The following CCDC85C variants were observed in gnomAD, a reference collection of about 807,000 sequenced individuals.
CCDC85C encodes coiled-coil domain containing 85C, also known as coiled-coil domain-containing protein 85C.
A neutral mutation model predicts 38.3 loss-of-function variants in CCDC85C; 18 were observed. That is an observed-to-expected ratio of 0.47 (90% confidence interval 0.33 to 0.70). The LOEUF (loss-of-function observed/expected upper bound fraction) is 0.70, where lower values mean the gene tolerates loss of function less well. CCDC85C is among the 30% of genes least tolerant of loss of function. CCDC85C has a pLI of 0.03. For missense variants in CCDC85C, 566 were observed against 621.2 expected (o/e 0.91, Z 0.94); for synonymous variants, 264 against 293.8 (o/e 0.90, Z 1.04).
chr14:99,528,857 G>C (rs1897439732), intron 2 of CCDC85C, among the ~76,000 whole-genome samples: 1 of 152,130 alleles, frequency 6.6e-6, no homozygotes. Flanking sequence ...AGGGGAGGGA[G>C]AGCATCAGGA....
chr14:99,596,266 T>A (rs1358614301), intron 1 of CCDC85C, among the ~76,000 whole-genome samples: 1 of 152,210 alleles, frequency 6.6e-6, no homozygotes, highest in Non-Finnish European at 1.5e-5. Context: ...ACATGGGTTC[T>A]AAGACACGCC....
rs1229931693 is a variant in CCDC85C, at chr14:99,603,938, C to G, written c.22G>C (p.Ala8Pro). Residue 8 changes from alanine (A) to proline (P), a missense_variant, in exon 1 of 6, where the codon GCG (alanine) becomes CCG (proline). By Grantham distance (27) the Ala-to-Pro change is conservative. Around this residue, in one of 3 missense-constraint regions of CCDC85C, gnomAD observed 269 missense variants for 308.2 expected, o/e 0.87. Coordinates refer to ENST00000380243, the MANE Select transcript of CCDC85C (RefSeq NM_001144995.2). This position sits in a 1 kb window ranked among gnomAD's most constrained non-coding sequence, Gnocchi z 7.5. The stretch of plus-strand genomic sequence containing the variant: ...CTCAGCTCCTCCGACGCCGCCGCCG[C>G]CGTCGCCGCGGGCTTAGCCATGGCG... MAKPAAT[A>P]AAASEELSQV... is the part of the protein sequence containing the mutation. 7.1e-6 allele frequency: 10 copies of G among 1,409,672 alleles called. No individual in the cohort carries two copies. The highest frequency in any genetic ancestry group is 9.2e-6 in the Non-Finnish European group (10 of 1,087,344). 87.3% of individuals were successfully genotyped at this position (1,409,672 alleles called of 1,614,324 possible).
At chr14:99,578,351 C>A (rs2054925182) in intron 1 of CCDC85C, among the ~76,000 whole-genome samples, 1 of 148,124 alleles carries the variant, frequency 6.8e-6, no homozygotes, top group Admixed American at 6.7e-5. Flanking sequence ...ATCTCCACAC[C>A]CATACAGCCC....
chr14:99,602,622 G>A (rs534201442), intron 1 of CCDC85C, among the ~76,000 whole-genome samples: 5 of 152,268 alleles, frequency 3.3e-5, no homozygotes, highest in African/African-American at 1.2e-4. Context: ...AAGGCTCTGA[G>A]CCCCAGGCCT....
chr14:99,554,641 C>G (rs539493788), intron 1 of CCDC85C, among the ~76,000 whole-genome samples: 30 of 152,220 alleles, frequency 2.0e-4, no homozygotes, highest in Non-Finnish European at 3.2e-4. Flanking sequence ...CTGACCTGGT[C>G]CCCACCCAGG....
chr14:99,570,413 C>T (rs1898313190), intron 1 of CCDC85C, among the ~76,000 whole-genome samples: 1 of 152,200 alleles, frequency 6.6e-6, no homozygotes, highest in Non-Finnish European at 1.5e-5. Flanking sequence ...GCGTGCCTGG[C>T]CCCTGCCACA....
intron 1 of CCDC85C, among the ~76,000 whole-genome samples, chr14:99,579,489 C>T (rs967720953): frequency 3.3e-5 from 5 of 152,224 alleles, no homozygotes; most frequent in Admixed American, 3.3e-4. Flanking sequence ...ATCCTGCCCT[C>T]CCAGCCCTGG....
rs77720506 is a variant in CCDC85C at position 99,555,931 on chromosome 14, C to G, written c.794-19843G>C. Among the ~76,000 whole-genome samples the G allele has an allele frequency of 9.1e-3, 1,389 of 152,340 alleles. 7 individuals are homozygous for G. The highest frequency in any genetic ancestry group is 0.01 in the Non-Finnish European group (712 of 68,028). ...AGACACACGTCCCTTGTGGGCTGTT[C>G]TTGCCCAAAATGCACAGCCTGAACC... On this transcript the variant is annotated intron_variant, in intron 1 of 5. Transcript: ENST00000380243.
At chr14:99,578,122 G>T (rs1289047373) in intron 1 of CCDC85C, among the ~76,000 whole-genome samples, 13 of 140,076 alleles carry the variant, frequency 9.3e-5, no homozygotes, top group African/African-American at 2.6e-4. Context: ...GTGTGTGTGT[G>T]TGTGTGTGTG....
intron 1 of CCDC85C, among the ~76,000 whole-genome samples, chr14:99,601,864 G>A (rs1451974674): frequency 1.3e-5 from 2 of 152,184 alleles, no homozygotes; most frequent in African/African-American, 2.4e-5. Flanking sequence ...GGTAAATAAA[G>A]GAAAAACATG....
In CCDC85C at chr14:99,580,158, G is replaced by T. The variant is rs529398680; in HGVS notation, c.793+23009C>A. On this transcript the variant is annotated intron_variant, in intron 1 of 5. Transcript: ENST00000380243. ...GACAGCCTGTGCAGGCCTGGCCCCC[G>T]GCACACCCAGAGGAAGGAGAGGCTG... The T allele has an allele frequency of 9.7e-5, 44 of 454,806 alleles. No individual in the cohort carries two copies. In the East Asian group the frequency reaches 3.0e-3, roughly 31 times the overall value. The allele number at this position is 454,806 out of a possible 1,614,324, so 28.2% of individuals were successfully genotyped here.
At chr14:99,549,727 C>T (rs1028089787) in intron 1 of CCDC85C, among the ~76,000 whole-genome samples, 5 of 152,188 alleles carry the variant, frequency 3.3e-5, no homozygotes, top group Non-Finnish European at 7.3e-5. Flanking sequence ...GGGCTTCCCG[C>T]GTTTCACATA....
At position 99,516,673 on chromosome 14, in the gene CCDC85C, AG is replaced by A. The variant is rs1175417370; in HGVS notation, c.1072-388del. On this transcript the variant is annotated intron_variant, in intron 4 of 5. Transcript: ENST00000380243. This position sits in a 1 kb window ranked among gnomAD's most constrained non-coding sequence, Gnocchi z 5.5. ...GTCATGGGGCACGTACGTAGGAGGAAGGGGGGCATGGGAGTGGGGACTGTGC... is the reference window on the plus strand; with the variant it reads ...GTCATGGGGCACGTACGTAGGAGGAAGGGGGCATGGGAGTGGGGACTGTGC... 6.6e-6 allele frequency among the ~76,000 whole-genome samples: 1 copy of A among 152,040 alleles called. No homozygotes were observed. The highest frequency in any genetic ancestry group is 1.5e-5 in the Non-Finnish European group (1 of 67,980).
At position 99,564,233 on chromosome 14, in the gene CCDC85C, G is replaced by A. The variant is rs113027413; in HGVS notation, c.794-28145C>T. On this transcript the variant is annotated intron_variant, in intron 1 of 5. Transcript: ENST00000380243. ...GGGACAGACAGGTGGAGACCTCTTC[G>A]CACCCACTGCTGCGTCCTTGCTGCT... 6.4e-3 allele frequency among the ~76,000 whole-genome samples: 982 copies of A among 152,322 alleles called. 11 individuals carry two copies. The highest frequency in any genetic ancestry group is 0.022 in the African/African-American group (929 of 41,568).
In CCDC85C at chr14:99,535,200, C is replaced by A. The variant is rs1302320577; in HGVS notation, c.867+815G>T. ...AGCTGAGCCATCCCTGCGGTTGGTT[C>A]CCAGAGAGACGCCTTGGGTATCCCA... On this transcript the variant is annotated intron_variant, in intron 2 of 5. Transcript: ENST00000380243. The surrounding 1 kb of genome is among the most constrained non-coding windows in gnomAD (Gnocchi z 5.5). Among the ~76,000 whole-genome samples, 34 of 152,224 alleles carry A rather than the reference C, an allele frequency of 2.2e-4. 1 individual carries two copies. The highest frequency in any genetic ancestry group is 2.2e-3 in the Admixed American group (34 of 15,292).
chr14:99,594,789 G>C (rs111932184), intron 1 of CCDC85C, among the ~76,000 whole-genome samples: 1 of 152,152 alleles, frequency 6.6e-6, no homozygotes, highest in African/African-American at 2.4e-5. Context: ...GTCTCAAGTG[G>C]GCTGAAGCCA....
chr14:99,603,223 G>C lies in CCDC85C; in HGVS notation c.737C>G (p.Ser246Cys). ...PDGKAGATRR[S>C]LDDLSAPPHH... ...CGGCGGCGCCGACAAGTCGTCCAGGGACCGACGTGTGGCTCCTGCCTTGCC... is the reference window on the plus strand; with the variant it reads ...CGGCGGCGCCGACAAGTCGTCCAGGCACCGACGTGTGGCTCCTGCCTTGCC... The change falls in exon 1 of 6, where the codon TCC (serine) becomes TGC (cysteine). Residue 246 changes from serine (S) to cysteine (C), a missense_variant. Ser to Cys is a moderately radical substitution (Grantham distance 112). Transcript: ENST00000380243. This position sits in a 1 kb window ranked among gnomAD's most constrained non-coding sequence, Gnocchi z 7.5. 1.4e-6 allele frequency: 2 copies of C among 1,425,048 alleles called. No homozygotes were observed. The highest frequency in any genetic ancestry group is 1.8e-6 in the Non-Finnish European group (2 of 1,092,372). The allele number at this position is 1,425,048 out of a possible 1,614,324, so 88.3% of individuals were successfully genotyped here.
At chr14:99,531,029 C>A (rs1397439401) in intron 2 of CCDC85C, among the ~76,000 whole-genome samples, 1 of 152,230 alleles carries the variant, frequency 6.6e-6, no homozygotes, top group Non-Finnish European at 1.5e-5. Context: ...ACATCCATGT[C>A]AGGAAATCCA....
At chr14:99,580,528 A>T (rs2054957192) in intron 1 of CCDC85C, among the ~76,000 whole-genome samples, 1 of 151,502 alleles carries the variant, frequency 6.6e-6, no homozygotes, top group Non-Finnish European at 1.5e-5. Context: ...ACAGCCAGGG[A>T]AAGAGGGGAG....
Sources: gnomAD v4.1 joint callset for allele counts (sites outside exome capture counted in the v4.1 genomes callset) on GRCh38, gnomAD v4.1.1 for gene constraint, gnomAD v4.1.1 regional missense constraint, Gnocchi (gnomAD v3.1) non-coding constraint, MANE v1.5 for transcripts, NCBI Gene and HGNC (gene_info 2026-07-23, HGNC 2026-07-21) for gene names.